The following GULP1 variants were observed in gnomAD, a reference collection of about 807,000 sequenced individuals.
The protein encoded by GULP1 is GULP PTB domain containing engulfment adaptor 1.
A neutral mutation model predicts 40.9 loss-of-function variants in GULP1; 19 were observed. The observed-to-expected ratio is 0.46, with a 90% CI of 0.32 to 0.68. The LOEUF (loss-of-function observed/expected upper bound fraction) is 0.68, where lower values mean the gene tolerates loss of function less well. GULP1 is among the 30% of genes least tolerant of loss of function. GULP1 has a pLI of 0.03. For synonymous variants in GULP1, 119 were observed against 117.6 expected (o/e 1.01, Z -0.08); for missense variants, 312 against 362.2 (o/e 0.86, Z 1.12).
chr2:188,515,173 G>T (rs777440432), intron 4 of GULP1, among the ~76,000 whole-genome samples: 1 of 151,936 alleles, frequency 6.6e-6, no homozygotes, highest in Non-Finnish European at 1.5e-5. Flanking sequence ...ATTCCTACCA[G>T]CAGTGACATC....
chr2:188,542,152 T>C (rs1340083906), intron 7 of GULP1: 1 of 151,912 alleles, frequency 6.6e-6, no homozygotes, highest in African/African-American at 2.4e-5. Flanking sequence ...TTAATGGAAT[T>C]GTATGTATGA....
At chr2:188,473,862 A>G (rs2060795069) in intron 2 of GULP1, among the ~76,000 whole-genome samples, 1 of 152,120 alleles carries the variant, frequency 6.6e-6, no homozygotes, top group Non-Finnish European at 1.5e-5. Flanking sequence ...CCCCATAGCC[A>G]CCACAGTTGG....
chr2:188,378,399 A>G (rs2048576937), intron 1 of GULP1, among the ~76,000 whole-genome samples: 2 of 152,238 alleles, frequency 1.3e-5, no homozygotes, highest in Non-Finnish European at 2.9e-5. Context: ...ATATAAGAAT[A>G]TGATTGCACT....
chr2:188,465,004 T>G (rs975376076), intron 2 of GULP1, among the ~76,000 whole-genome samples: 11 of 152,070 alleles, frequency 7.2e-5, no homozygotes, highest in Non-Finnish European at 1.3e-4. Context: ...TCTACCACCC[T>G]GTGGCTGAGC....
At chr2:188,589,782 C>CA (rs886365975) in intron 11 of GULP1, 39 of 1,216,936 alleles carry the variant, frequency 3.2e-5, no homozygotes, top group Non-Finnish European at 4.2e-5. Flanking sequence ...TAATTTTAAA[C>CA]AACTTACAAA....
At chr2:188,421,102 A>G (rs1410512717) in intron 2 of GULP1, among the ~76,000 whole-genome samples, 1 of 152,196 alleles carries the variant, frequency 6.6e-6, no homozygotes, top group Non-Finnish European at 1.5e-5. Context: ...AAATTGGAAA[A>G]GAGGTAAAAT....
intron 1 of GULP1, among the ~76,000 whole-genome samples, chr2:188,376,075 G>A (rs941565697): frequency 1.3e-5 from 2 of 151,982 alleles, no homozygotes; most frequent in African/African-American, 4.8e-5. Context: ...GGTATGGAGG[G>A]CCAAGTGTAT....
chr2:188,450,398 A>T (rs566372139), intron 2 of GULP1, among the ~76,000 whole-genome samples: 1 of 152,192 alleles, frequency 6.6e-6, no homozygotes, highest in Non-Finnish European at 1.5e-5. Flanking sequence ...TTCTTTTTAA[A>T]CCATTTCTTG....
intron 2 of GULP1, among the ~76,000 whole-genome samples, chr2:188,466,936 C>T (rs771775617): frequency 6.6e-6 from 1 of 151,996 alleles, no homozygotes; most frequent in Non-Finnish European, 1.5e-5. Context: ...CCAAGTGTCT[C>T]TTTCATAATA....
At chr2:188,589,530 T>A (rs759598557) in intron 11 of GULP1, 96 of 362,838 alleles carry the variant, frequency 2.6e-4, no homozygotes, top group Middle Eastern at 7.5e-4. Flanking sequence ...AAAAATTTTT[T>A]AGATTTTCCC....
At chr2:188,386,674 CTG>C (rs1422675927) in intron 2 of GULP1, among the ~76,000 whole-genome samples, 1 of 152,020 alleles carries the variant, frequency 6.6e-6, no homozygotes, top group African/African-American at 2.4e-5. Flanking sequence ...GGCTCAATGA[CTG>C]TGATCTTTTA....
chr2:188,373,123 A>T (rs917874625), intron 1 of GULP1, among the ~76,000 whole-genome samples: 2 of 151,788 alleles, frequency 1.3e-5, no homozygotes, highest in Non-Finnish European at 2.9e-5. Flanking sequence ...CCTCTTTCTT[A>T]AGTAGTCATA....
At chr2:188,361,178 A>G (rs2046029954) in intron 1 of GULP1, among the ~76,000 whole-genome samples, 1 of 152,156 alleles carries the variant, frequency 6.6e-6, no homozygotes, top group Middle Eastern at 3.4e-3. Context: ...TGTTTTTGTC[A>G]ATCATTTATT....
intron 2 of GULP1, among the ~76,000 whole-genome samples, chr2:188,441,838 G>A (rs1225650700): frequency 2.6e-5 from 4 of 152,116 alleles, no homozygotes; most frequent in African/African-American, 7.2e-5. Context: ...ATCTGATAGA[G>A]CCCTGACTGA....
intron 1 of GULP1, among the ~76,000 whole-genome samples, chr2:188,346,292 A>G (rs2043633730): frequency 6.6e-6 from 1 of 152,218 alleles, no homozygotes; most frequent in East Asian, 1.9e-4. Context: ...TCTCCAAGGC[A>G]TAGCAGAAAT....
chr2:188,567,460 A>G (rs1440838909), intron 7 of GULP1, among the ~76,000 whole-genome samples: 1 of 152,218 alleles, frequency 6.6e-6, no homozygotes, highest in Admixed American at 6.5e-5. Context: ...CTGCAGCCAT[A>G]AAAAGGAATG....
At chr2:188,591,709 A>G (rs940949532) in intron 11 of GULP1, 2 of 151,686 alleles carry the variant, frequency 1.3e-5, no homozygotes, top group African/African-American at 4.8e-5. Context: ...TATGGCATAA[A>G]TATATATTCA....
At chr2:188,517,310 AT>A (rs556429125) in intron 4 of GULP1, among the ~76,000 whole-genome samples, 29 of 151,934 alleles carry the variant, frequency 1.9e-4, no homozygotes, top group East Asian at 9.7e-4. Context: ...TTCTAACTTT[AT>A]TTTTTAATAT....
intron 1 of GULP1, among the ~76,000 whole-genome samples, chr2:188,309,023 A>G (rs2037614586): frequency 6.6e-6 from 1 of 152,178 alleles, no homozygotes; most frequent in Admixed American, 6.5e-5. Flanking sequence ...CTGTCAGATC[A>G]CCATGAAGCT....
Sources: gnomAD v4.1 joint callset for allele counts (sites outside exome capture counted in the v4.1 genomes callset) on GRCh38, gnomAD v4.1.1 for gene constraint, MANE v1.5 for transcripts, NCBI Gene and HGNC (gene_info 2026-07-23, HGNC 2026-07-21) for gene names.